NXN: variants seen among roughly 807,000 people sequenced by gnomAD.
NXN encodes nucleoredoxin.
A neutral mutation model predicts 48.6 loss-of-function variants in NXN; 16 were observed. That is an observed-to-expected ratio of 0.33 (90% CI 0.22 to 0.50). The LOEUF is 0.50. NXN is among the 20% of genes least tolerant of loss of function. The pLI is 0.98. For synonymous variants in NXN, 281 were observed against 269.6 expected (o/e 1.04, Z -0.41); for missense variants, 492 against 605.5 (o/e 0.81, Z 1.97).
At chr17:857,557 GC>G (rs1443400175) in intron 1 of NXN, among the ~76,000 whole-genome samples, 1 of 152,204 alleles carries the variant, frequency 6.6e-6, no homozygotes. Context: ...ACCACACCCA[GC>G]CTAAACACCA....
At chr17:928,994 T>C (rs1161710728) in intron 1 of NXN, among the ~76,000 whole-genome samples, 1 of 152,232 alleles carries the variant, frequency 6.6e-6, no homozygotes, top group Admixed American at 6.5e-5. Flanking sequence ...TCACACTTAA[T>C]TCCCACAGAG....
At position 976,438 on chromosome 17, in the gene NXN, G is replaced by A. The variant is rs763601298; in HGVS notation, c.360+2881C>T. Among the ~76,000 whole-genome samples the A allele has an allele frequency of 6.0e-4, 92 of 152,090 alleles. 1 individual carries two copies. The highest frequency in any genetic ancestry group is 3.2e-3 in the Admixed American group (49 of 15,260). ...GTTATCCCAATGGGAAGAAGTATAC[G>A]CATGGGCTTAAAGAACAAATGTTAA... is the stretch of plus-strand genomic sequence containing the variant. On this transcript the variant is annotated intron_variant, in intron 1 of 7. Transcript: ENST00000336868.
rs1320692934 is a variant in NXN at position 958,693 on chromosome 17, C to T, written c.360+20626G>A. On this transcript the variant is annotated intron_variant, in intron 1 of 7. Coordinates refer to ENST00000336868, the MANE Select transcript of NXN (RefSeq NM_022463.5). This position sits in a 1 kb window ranked among gnomAD's most constrained non-coding sequence, Gnocchi z 6.9. Reference sequence around the variant, plus strand: ...GGCTGAGGCAGGAGAATCACCGAGGCGGAGGTAGAAGTGAGCCCAGATTGT... The same window carrying T: ...GGCTGAGGCAGGAGAATCACCGAGGTGGAGGTAGAAGTGAGCCCAGATTGT... Among the ~76,000 whole-genome samples, 2 of 152,130 alleles carry T rather than the reference C, an allele frequency of 1.3e-5. No individual in the cohort carries two copies. Among genetic ancestry groups the T allele is most frequent in the Middle Eastern group, 3.4e-3 (1 of 294 alleles).
At chr17:946,887 T>C (rs1290988392) in intron 1 of NXN, among the ~76,000 whole-genome samples, 3 of 151,990 alleles carry the variant, frequency 2.0e-5, no homozygotes, top group African/African-American at 7.3e-5. Context: ...CACGGGGAGG[T>C]TGCAGCCTTC....
chr17:870,933 A>G (rs1350626361), intron 1 of NXN, among the ~76,000 whole-genome samples: 1 of 151,898 alleles, frequency 6.6e-6, no homozygotes. Context: ...ATCTCAGTTC[A>G]CTACAAGCTC....
chr17:854,459 T>C (rs1023573889), intron 1 of NXN, among the ~76,000 whole-genome samples: 16 of 146,620 alleles, frequency 1.1e-4, no homozygotes, highest in Non-Finnish European at 2.2e-4. Context: ...CCATCCTGGC[T>C]AACACGGTGA....
chr17:855,724 A>C (rs138175055), intron 1 of NXN, among the ~76,000 whole-genome samples: 2,276 of 152,264 alleles, frequency 0.015, 28 homozygotes, highest in Middle Eastern at 0.078. Flanking sequence ...TTAGGGGAAA[A>C]AATCATAAAA....
intron 1 of NXN, among the ~76,000 whole-genome samples, chr17:934,233 C>T (rs944169275): frequency 8.6e-5 from 13 of 151,754 alleles, no homozygotes; most frequent in African/African-American, 2.2e-4. Context: ...ATCACGAGGT[C>T]AGGAGATTGA....
chr17:817,773 G>C (rs1912563816), intron 5 of NXN, among the ~76,000 whole-genome samples: 1 of 151,616 alleles, frequency 6.6e-6, no homozygotes, highest in Non-Finnish European at 1.5e-5. Context: ...AACCCTAGGA[G>C]TGCTGAGAAC....
intron 1 of NXN, among the ~76,000 whole-genome samples, chr17:851,863 TGCGGAAA>T (rs1289673701): frequency 6.6e-6 from 1 of 152,242 alleles, no homozygotes; most frequent in East Asian, 1.9e-4. Context: ...TCGCGTTGCC[TGCGGAAA>T]GCGGAGGTCG....
intron 5 of NXN, among the ~76,000 whole-genome samples, chr17:816,241 G>C (rs9909437): frequency 0.012 from 1,842 of 152,220 alleles, 34 homozygotes; most frequent in African/African-American, 0.042. Flanking sequence ...GAGTCGTTCT[G>C]GGGACGAAGA....
chr17:870,961 C>T lies in NXN; in HGVS notation c.361-44883G>A, dbSNP rs191026160. Among the ~76,000 whole-genome samples the T allele has an allele frequency of 8.5e-3, 1,289 of 151,758 alleles. 14 individuals are homozygous for T. Among genetic ancestry groups the T allele is most frequent in the African/African-American group, 0.029 (1,203 of 41,364 alleles). Reference sequence around the variant, plus strand: ...ACAAGCTCCGCCTCCCGGGTTCACACCATTCTCCTGCCTCAGCCTCCCGAG... The same window carrying T: ...ACAAGCTCCGCCTCCCGGGTTCACATCATTCTCCTGCCTCAGCCTCCCGAG... On this transcript the variant is annotated intron_variant, in intron 1 of 7. Transcript: ENST00000336868.
chr17:819,478 C>A lies in NXN; in HGVS notation c.781G>T (p.Ala261Ser), dbSNP rs769441620. Residue 261 changes from alanine (A) to serine (S), a missense_variant, in exon 5 of 8, where the codon GCC (alanine) becomes TCC (serine). Around this residue, in one of 3 missense-constraint regions of NXN, gnomAD observed 303 missense variants for 388.3 expected, o/e 0.78. Coordinates refer to ENST00000336868, the MANE Select transcript of NXN (RefSeq NM_022463.5). ...PWLAVPYTDE[A>S]RRSRLNRLYG... ...AGCCGGTTGAGGCGCGACCGCCGGG[C>A]CTCATCCGTGTAGGGGACGGCGAGC... The A allele has an allele frequency of 6.2e-7, 1 of 1,614,140 alleles. No homozygotes were observed. The highest frequency in any genetic ancestry group is 2.2e-5 in the East Asian group (1 of 44,890).
chr17:886,592 T>C (rs993374895), intron 1 of NXN, among the ~76,000 whole-genome samples: 3 of 152,002 alleles, frequency 2.0e-5, no homozygotes, highest in South Asian at 4.1e-4. Context: ...GCCTGGCCAA[T>C]GTGGTGAAAC....
chr17:933,722 C>T (rs990721868), intron 1 of NXN, among the ~76,000 whole-genome samples: 5 of 152,040 alleles, frequency 3.3e-5, no homozygotes, highest in African/African-American at 7.2e-5. Flanking sequence ...CCAGTAAATC[C>T]ATATCCGTAT....
chr17:826,225 G>A, intron 1 of NXN, 147 bp from the exon 2 acceptor site: 1 of 697,746 alleles, frequency 1.4e-6, no homozygotes, highest in South Asian at 1.5e-5. Flanking sequence ...CAGGGCTGCT[G>A]GGCAAAGGGG....
At chr17:963,905 G>A (rs868642769) in intron 1 of NXN, among the ~76,000 whole-genome samples, 1 of 150,942 alleles carries the variant, frequency 6.6e-6, no homozygotes, top group Non-Finnish European at 1.5e-5. Flanking sequence ...GTGAAACCCC[G>A]TCTCTACTAA....
At chr17:837,531 A>C (rs79145495) in intron 1 of NXN, among the ~76,000 whole-genome samples, 2,405 of 152,322 alleles carry the variant, frequency 0.016, 63 homozygotes, top group African/African-American at 0.055. Context: ...GTCAGCCAGA[A>C]CAGATGCCCC....
chr17:802,962 T>C (rs1423056394), intron 7 of NXN, among the ~76,000 whole-genome samples: 3 of 148,582 alleles, frequency 2.0e-5, no homozygotes, highest in Admixed American at 2.0e-4. Context: ...GGTGGGGAGG[T>C]GGCAGCGCAG....
Sources: gnomAD v4.1 joint callset for allele counts (sites outside exome capture counted in the v4.1 genomes callset) on GRCh38, gnomAD v4.1.1 for gene constraint, gnomAD v4.1.1 regional missense constraint, Gnocchi (gnomAD v3.1) non-coding constraint, MANE v1.5 for transcripts, NCBI Gene and HGNC (gene_info 2026-07-23, HGNC 2026-07-21) for gene names.